Variants in LRP1B observed in about 807,000 individuals in gnomAD.
The protein encoded by LRP1B is low-density lipoprotein receptor-related protein 1B.
A neutral mutation model predicts 556.6 loss-of-function variants in LRP1B; 217 were observed. The ratio of observed to expected loss-of-function variants is 0.39; its 90% CI spans 0.35 to 0.44. LRP1B has a LOEUF of 0.44. Ranked by LOEUF, LRP1B falls within the 20% of genes least tolerant of loss-of-function variation. LRP1B has a pLI of 1.00. For missense variants in LRP1B, 5,053 were observed against 5,620.8 expected, an observed-to-expected ratio of 0.90 and a Z score of 3.23; for synonymous variants, 2,047 against 1,865.8, an observed-to-expected ratio of 1.10 and a Z score of -2.50.
At chr2:140,481,371 A>T (rs1688232652) in intron 59 of LRP1B, among the ~76,000 whole-genome samples, 1 of 152,032 alleles carries the variant, frequency 6.6e-6, no homozygotes, top group Non-Finnish European at 1.5e-5. Context: ...ACTGAATTAA[A>T]TCCCCAGTGT....
chr2:140,471,610 A>AT (rs1422154842), intron 60 of LRP1B, among the ~76,000 whole-genome samples: 2 of 152,192 alleles, frequency 1.3e-5, no homozygotes, highest in African/African-American at 4.8e-5. Context: ...CTGTATCTCC[A>AT]TTCCCACAGC....
intron 2 of LRP1B, among the ~76,000 whole-genome samples, chr2:141,779,681 T>C (rs1695184379): frequency 6.6e-6 from 1 of 152,098 alleles, no homozygotes; most frequent in Non-Finnish European, 1.5e-5. Flanking sequence ...TTTTCATATA[T>C]CCTTTTATTT....
intron 2 of LRP1B, among the ~76,000 whole-genome samples, chr2:141,587,111 A>T (rs1181464671): frequency 6.6e-6 from 1 of 152,280 alleles, no homozygotes; most frequent in South Asian, 2.1e-4. Context: ...GTAATGAGAA[A>T]TTTATAACTA....
At chr2:141,382,612 C>T (rs1050003509) in intron 3 of LRP1B, among the ~76,000 whole-genome samples, 2 of 152,194 alleles carry the variant, frequency 1.3e-5, no homozygotes, top group African/African-American at 4.8e-5. Context: ...GCCTTCATCT[C>T]ACAGCAGGTC....
At chr2:140,329,796 A>G (rs899035654) in intron 79 of LRP1B, among the ~76,000 whole-genome samples, 3 of 151,814 alleles carry the variant, frequency 2.0e-5, no homozygotes, top group African/African-American at 4.8e-5. Flanking sequence ...AAGAATCAAT[A>G]TTGTGAAAAT....
intron 20 of LRP1B, among the ~76,000 whole-genome samples, chr2:140,935,250 AT>A (rs1309981011): frequency 3.9e-5 from 6 of 152,174 alleles, no homozygotes; most frequent in Non-Finnish European, 8.8e-5. Context: ...TTAAAGATGC[AT>A]AAAAAAGTCA....
intron 35 of LRP1B, among the ~76,000 whole-genome samples, chr2:140,731,588 T>C (rs1263790229): frequency 6.6e-6 from 1 of 151,768 alleles, no homozygotes; most frequent in African/African-American, 2.4e-5. Context: ...GTCAACGTGG[T>C]GAAACTCCAT....
At chr2:141,966,245 A>T (rs751689843) in intron 1 of LRP1B, among the ~76,000 whole-genome samples, 10 of 151,970 alleles carry the variant, frequency 6.6e-5, no homozygotes, top group Non-Finnish European at 1.2e-4. Flanking sequence ...GAAACTAGAG[A>T]GTCGTTTTCC....
chr2:141,212,409 G>T (rs1342658410), intron 6 of LRP1B, among the ~76,000 whole-genome samples: 2 of 150,064 alleles, frequency 1.3e-5, no homozygotes, highest in African/African-American at 4.9e-5. Context: ...CTCCCAAGTA[G>T]CTGGGACTAC....
rs142587784 is a variant in LRP1B at position 140,720,469 on chromosome 2, T to C, written c.5759-3653A>G. Among the ~76,000 whole-genome samples, 655 of 152,148 alleles carry C rather than the reference T, an allele frequency of 4.3e-3. 5 individuals carry two copies. The highest frequency in any genetic ancestry group is 0.014 in the African/African-American group (576 of 41,560). On this transcript the variant is annotated intron_variant, in intron 35 of 90. Transcript: ENST00000389484. ...AGCCAGCTATTGTGCATTATAATTA[T>C]AATTAAATTCAGAATTAAAGGGAAA...
chr2:141,135,176 T>TA (rs1574110571), intron 7 of LRP1B, among the ~76,000 whole-genome samples: 1 of 151,854 alleles, frequency 6.6e-6, no homozygotes, highest in African/African-American at 2.4e-5. Context: ...ATACTTTTAG[T>TA]AAAAAATTCT....
intron 2 of LRP1B, among the ~76,000 whole-genome samples, chr2:141,697,269 A>G (rs1484177079): frequency 6.6e-6 from 1 of 151,968 alleles, no homozygotes; most frequent in Non-Finnish European, 1.5e-5. Flanking sequence ...TTAACTTAAA[A>G]ATGAATGTGT....
At chr2:141,890,321 T>TACATAC (rs1469051426) in intron 1 of LRP1B, among the ~76,000 whole-genome samples, 1 of 34,582 alleles carries the variant, frequency 2.9e-5, no homozygotes, top group African/African-American at 1.0e-4. Context: ...AAGGGCACAA[T>TACATAC]ACATATATAT....
intron 41 of LRP1B, among the ~76,000 whole-genome samples, chr2:140,612,758 A>G (rs530936088): frequency 1.3e-5 from 2 of 152,262 alleles, no homozygotes; most frequent in Admixed American, 1.3e-4. Context: ...CAATTTTAAT[A>G]CTGTCTTACT....
chr2:140,585,609 C>T lies in LRP1B; in HGVS notation c.7194+13022G>A, dbSNP rs565923889. The stretch of plus-strand genomic sequence containing the variant: ...AGATTCAAAAAGATTAAAATAATTG[C>T]TCAAGATCACACAGTTTTTTTGAAC... On this transcript the variant is annotated intron_variant, in intron 43 of 90. Coordinates refer to ENST00000389484, the MANE Select transcript of LRP1B (RefSeq NM_018557.3). 3.9e-5 allele frequency among the ~76,000 whole-genome samples: 6 copies of T among 152,200 alleles called. No individual in the cohort carries two copies. In the South Asian group the frequency reaches 1.2e-3, roughly 32 times the overall value.
intron 7 of LRP1B, among the ~76,000 whole-genome samples, chr2:141,154,564 C>A (rs986699472): frequency 1.3e-5 from 2 of 151,830 alleles, no homozygotes; most frequent in South Asian, 4.1e-4. Flanking sequence ...TGAGAATACT[C>A]TTTAGGGAGA....
intron 1 of LRP1B, among the ~76,000 whole-genome samples, chr2:141,836,874 C>G (rs1450296713): frequency 6.6e-6 from 1 of 151,840 alleles, no homozygotes; most frequent in Non-Finnish European, 1.5e-5. Flanking sequence ...TTTTCCATAT[C>G]TTTAGATCCT....
intron 1 of LRP1B, among the ~76,000 whole-genome samples, chr2:141,890,998 A>C (rs915381130): frequency 4.6e-5 from 7 of 152,176 alleles, no homozygotes; most frequent in Non-Finnish European, 1.5e-5. Context: ...GGGTCTAAGC[A>C]GCCATTTAAA....
At chr2:140,867,953 G>A in intron 26 of LRP1B, 119 bp from the exon 27 acceptor site, 4 of 1,288,912 alleles carry the variant, frequency 3.1e-6, no homozygotes, top group Non-Finnish European at 4.2e-6. Context: ...TTATGGGTCT[G>A]TATCTGATTT....
Sources: gnomAD v4.1 joint callset for allele counts (sites outside exome capture counted in the v4.1 genomes callset) on GRCh38, gnomAD v4.1.1 for gene constraint, MANE v1.5 for transcripts, NCBI Gene and HGNC (gene_info 2026-07-23, HGNC 2026-07-21) for gene names.